The following ATP10B variants were observed in gnomAD, a reference collection of about 807,000 sequenced individuals.
ATP10B encodes the protein ATPase phospholipid transporting 10B (putative), also known as phospholipid-transporting ATPase VB.
ATP10B carries 122 observed loss-of-function variants against 141.2 expected under a neutral mutation model. The observed-to-expected ratio is 0.86, with a 90% CI of 0.75 to 1.00. The LOEUF is 1.00. ATP10B is among the 50% of genes least tolerant of loss of function. The pLI, the probability that ATP10B is intolerant of heterozygous loss-of-function variation, is 0.00. For missense variants in ATP10B, 1,876 were observed against 1,825.3 expected (o/e 1.03, Z -0.51); for synonymous variants, 685 against 692.0 (o/e 0.99, Z 0.16).
At chr5:160,886,145 T>C in the ATP10B span, among the ~76,000 whole-genome samples, 3 of 152,224 alleles carry the variant, frequency 2.0e-5, no homozygotes, top group Non-Finnish European at 2.9e-5. Context: ...TCTCCTGTTT[T>C]GTAAACCCAT....
chr5:160,895,592 T>A, the ATP10B span, among the ~76,000 whole-genome samples: 1,028 of 152,140 alleles, frequency 6.8e-3, 9 homozygotes, highest in African/African-American at 0.023. Context: ...TCCCACACAA[T>A]AATAGTGGGA....
chr5:160,701,332 T>A (rs542763825), intron 3 of ATP10B, among the ~76,000 whole-genome samples: 36 of 152,262 alleles, frequency 2.4e-4, no homozygotes, highest in South Asian at 1.9e-3. Flanking sequence ...ATCCTCTCTT[T>A]TACATTCTAG....
intron 1 of ATP10B, among the ~76,000 whole-genome samples, chr5:160,817,068 A>G (rs1302821739): frequency 6.6e-6 from 1 of 152,198 alleles, no homozygotes; most frequent in African/African-American, 2.4e-5. Context: ...CAAAAACTGG[A>G]AGCATTCCCT....
intron 1 of ATP10B, among the ~76,000 whole-genome samples, chr5:160,849,273 G>C (rs1328264075): frequency 6.6e-6 from 1 of 152,144 alleles, no homozygotes; most frequent in Non-Finnish European, 1.5e-5. Flanking sequence ...TTGTGTTCCT[G>C]TGTCACTTCT....
intron 2 of ATP10B, among the ~76,000 whole-genome samples, chr5:160,771,172 T>C (rs146022595): frequency 7.5e-4 from 114 of 152,344 alleles, no homozygotes; most frequent in African/African-American, 2.6e-3. Flanking sequence ...TTCACTGGCA[T>C]AATCATTTAG....
intron 3 of ATP10B, among the ~76,000 whole-genome samples, chr5:160,692,061 C>A (rs941864573): frequency 6.6e-6 from 1 of 152,098 alleles, no homozygotes; most frequent in African/African-American, 2.4e-5. Context: ...ACTTCTCTCA[C>A]TATTAGGTGG....
intron 1 of ATP10B, among the ~76,000 whole-genome samples, chr5:160,844,894 T>A (rs905621923): frequency 2.0e-5 from 3 of 152,120 alleles, no homozygotes; most frequent in Non-Finnish European, 4.4e-5. Context: ...TACACATAAA[T>A]TGAAAGAAAA....
At chr5:160,653,774 A>G (rs952641171) in intron 7 of ATP10B, among the ~76,000 whole-genome samples, 2 of 125,706 alleles carry the variant, frequency 1.6e-5, no homozygotes, top group Non-Finnish European at 1.5e-5. Flanking sequence ...TAATATATAC[A>G]TATATACATA....
the ATP10B span, among the ~76,000 whole-genome samples, chr5:160,899,197 C>T: frequency 1.3e-5 from 2 of 152,056 alleles, no homozygotes; most frequent in African/African-American, 4.8e-5. Flanking sequence ...ATGCTGCTGC[C>T]TTTTAAAGCC....
chr5:160,768,411 T>C (rs1432233980), intron 2 of ATP10B, among the ~76,000 whole-genome samples: 2 of 152,166 alleles, frequency 1.3e-5, no homozygotes, highest in Non-Finnish European at 1.5e-5. Context: ...TTAACTACTT[T>C]ATATTGCCTT....
intron 2 of ATP10B, among the ~76,000 whole-genome samples, chr5:160,725,540 G>C (rs1188310454): frequency 2.6e-5 from 4 of 152,042 alleles, no homozygotes; most frequent in African/African-American, 9.7e-5. Flanking sequence ...CCGCCTCCCG[G>C]GTTCATGCCA....
the ATP10B span, among the ~76,000 whole-genome samples, chr5:160,918,093 A>C: frequency 6.6e-6 from 1 of 152,110 alleles, no homozygotes; most frequent in Non-Finnish European, 1.5e-5. Flanking sequence ...CCCTTTTCAC[A>C]CTGAGGGCCC....
chr5:160,598,357 A>T lies in ATP10B; in HGVS notation c.3564+413T>A, dbSNP rs1424851268. Among the ~76,000 whole-genome samples, 4 of 151,938 alleles carry T rather than the reference A, an allele frequency of 2.6e-5. No individual in the cohort carries two copies. The South Asian group carries it at 8.3e-4, about 32-fold the overall frequency. ...AACAATGAGAACACATGGACACAGG[A>T]AGGGGAACATCACACTCTGGGGACT... is the stretch of plus-strand genomic sequence containing the variant. On this transcript the variant is annotated intron_variant, in intron 22 of 25. Coordinates refer to ENST00000327245, the MANE Select transcript of ATP10B (RefSeq NM_025153.3).
intron 24 of ATP10B, among the ~76,000 whole-genome samples, chr5:160,584,344 GCT>G (rs1755749424): frequency 6.6e-6 from 1 of 151,994 alleles, no homozygotes; most frequent in South Asian, 2.1e-4. Flanking sequence ...ACTTTGGCTC[GCT>G]CTCTGTGGGC....
At chr5:160,885,823 C>G in the ATP10B span, among the ~76,000 whole-genome samples, 1 of 152,178 alleles carries the variant, frequency 6.6e-6, no homozygotes, top group East Asian at 1.9e-4. Flanking sequence ...TGAATTTAAC[C>G]CATTGTTCTT....
intron 1 of ATP10B, among the ~76,000 whole-genome samples, chr5:160,848,248 T>A (rs1776243562): frequency 6.6e-6 from 1 of 152,018 alleles, no homozygotes; most frequent in African/African-American, 2.4e-5. Flanking sequence ...GACTTCAAAG[T>A]GAGATTTGAG....
rs75105488 is a variant in ATP10B at position 160,785,414 on chromosome 5, G to A, written c.-331+145C>T. 2.7e-3 allele frequency: 896 copies of A among 332,460 alleles called. 8 individuals carry two copies. The highest frequency in any genetic ancestry group is 0.017 in the South Asian group (701 of 40,392). The allele number at this position is 332,460 out of a possible 1,614,324, so 20.6% of individuals were successfully genotyped here. On this transcript the variant is annotated intron_variant, in intron 2 of 25. Transcript: ENST00000327245. Reference sequence around the variant, plus strand: ...TTACTGGGTTGGAGGAAGAGATAGCGGTGGTGTTTTTTTTGTTCTGTTTTG... The same window carrying A: ...TTACTGGGTTGGAGGAAGAGATAGCAGTGGTGTTTTTTTTGTTCTGTTTTG...
chr5:160,760,531 T>G (rs1043206440), intron 2 of ATP10B, among the ~76,000 whole-genome samples: 23 of 152,318 alleles, frequency 1.5e-4, no homozygotes, highest in African/African-American at 4.8e-4. Flanking sequence ...GATTGCCAAA[T>G]TTTTTACTTT....
intron 7 of ATP10B, among the ~76,000 whole-genome samples, chr5:160,668,086 G>T (rs1296482140): frequency 6.6e-6 from 1 of 152,064 alleles, no homozygotes; most frequent in Non-Finnish European, 1.5e-5. Context: ...CAAAAAATTA[G>T]CTGGGTGTGG....
Sources: gnomAD v4.1 joint callset for allele counts (sites outside exome capture counted in the v4.1 genomes callset) on GRCh38, gnomAD v4.1.1 for gene constraint, MANE v1.5 for transcripts, NCBI Gene and HGNC (gene_info 2026-07-23, HGNC 2026-07-21) for gene names.